The following RANBP2 variants were observed in gnomAD, a reference collection of about 807,000 sequenced individuals.
RANBP2 encodes RAN binding protein 2, also known as E3 SUMO-protein ligase RanBP2.
RANBP2 carries 57 observed loss-of-function variants against 303.6 expected under a neutral mutation model. The ratio of observed to expected loss-of-function variants is 0.19; its 90% CI spans 0.15 to 0.23. The LOEUF is 0.23. Ranked by LOEUF, RANBP2 falls within the 10% of genes least tolerant of loss-of-function variation. The probability of loss-of-function intolerance (pLI) is 1.00; values close to 1 mark genes in which losing one functional copy is unlikely to be tolerated. For synonymous variants in RANBP2, 1,167 were observed against 1,301.5 expected (o/e 0.90, Z 2.23); for missense variants, 3,138 against 3,780.8 (o/e 0.83, Z 4.46).
At chr2:108,755,107 A>T (rs1281541561) in intron 16 of RANBP2, 23 bp downstream of exon 16, 1 of 1,611,966 alleles carries the variant, frequency 6.2e-7, no homozygotes, top group Admixed American at 1.7e-5. Flanking sequence ...GAATGGAATC[A>T]TTTCATTGTG....
At chr2:109,243,217 G>C in the RANBP2 span, among the ~76,000 whole-genome samples, 1 of 152,234 alleles carries the variant, frequency 6.6e-6, no homozygotes, top group South Asian at 2.1e-4. Flanking sequence ...GAGGTCTGCA[G>C]ATCCCCTGCC....
chr2:108,775,943 CT>C lies in RANBP2; in HGVS notation c.8497+9del. ...ACAGATTCTACAAGCCAAGGTAAATCTTGATATATGTTTATCATGTGTTACA... is the reference window on the plus strand; with the variant it reads ...ACAGATTCTACAAGCCAAGGTAAATCTGATATATGTTTATCATGTGTTACA... On this transcript the variant is annotated splice_region_variant and intron_variant, in intron 24 of 28. Coordinates refer to ENST00000283195, the MANE Select transcript of RANBP2 (RefSeq NM_006267.5). 6.2e-7 allele frequency: 1 copy of C among 1,601,614 alleles called. No homozygotes were observed. Among genetic ancestry groups the C allele is most frequent in the East Asian group, 2.2e-5 (1 of 44,710 alleles).
the RANBP2 span, among the ~76,000 whole-genome samples, chr2:109,349,648 G>T: frequency 6.6e-6 from 1 of 152,204 alleles, no homozygotes; most frequent in South Asian, 2.1e-4. Flanking sequence ...CAGGCTTGGC[G>T]GGCTCCAGGC....
the RANBP2 span, among the ~76,000 whole-genome samples, chr2:109,586,858 T>A: frequency 2.0e-5 from 3 of 152,180 alleles, no homozygotes; most frequent in Admixed American, 2.0e-4. Flanking sequence ...TAACAAAGCC[T>A]GTAACAAGGC....
chr2:109,433,618 C>T, the RANBP2 span, among the ~76,000 whole-genome samples: 1 of 152,338 alleles, frequency 6.6e-6, no homozygotes, highest in East Asian at 1.9e-4. Flanking sequence ...GTAGACCCTG[C>T]ATTGATTGCT....
the RANBP2 span, among the ~76,000 whole-genome samples, chr2:109,523,780 C>T: frequency 2.6e-5 from 4 of 152,300 alleles, no homozygotes; most frequent in East Asian, 7.7e-4. Flanking sequence ...AGCTGGGGAG[C>T]ATCCCTGACA....
the RANBP2 span, among the ~76,000 whole-genome samples, chr2:109,081,460 C>T: frequency 1.8e-4 from 28 of 152,250 alleles, no homozygotes; most frequent in East Asian, 3.7e-3. Context: ...CATGGGGCTC[C>T]GCGTCTGTGG....
the RANBP2 span, among the ~76,000 whole-genome samples, chr2:109,603,190 T>C: frequency 1.3e-5 from 2 of 152,144 alleles, no homozygotes; most frequent in Non-Finnish European, 2.9e-5. Flanking sequence ...TTATTGTTTT[T>C]CACTTACTCC....
the RANBP2 span, chr2:109,615,063 C>G: frequency 6.5e-7 from 1 of 1,549,346 alleles, no homozygotes; most frequent in Middle Eastern, 1.7e-4. Context: ...GGGCAGCTCC[C>G]TTGTGGGGGC....
At chr2:108,802,842 G>A in the RANBP2 span, among the ~76,000 whole-genome samples, 1 of 152,190 alleles carries the variant, frequency 6.6e-6, no homozygotes, top group Non-Finnish European at 1.5e-5. Flanking sequence ...AGCATGAAGG[G>A]TTGTTGAATT....
chr2:109,347,516 A>G, the RANBP2 span, among the ~76,000 whole-genome samples: 1 of 152,108 alleles, frequency 6.6e-6, no homozygotes, highest in African/African-American at 2.4e-5. Context: ...TTCCTGTGAC[A>G]GGCTGTTTCT....
chr2:109,606,635 C>T, the RANBP2 span, among the ~76,000 whole-genome samples: 9 of 34,368 alleles, frequency 2.6e-4, no homozygotes, highest in African/African-American at 7.1e-4. Flanking sequence ...AAAAAGTTCC[C>T]TTTTATTAAA....
At chr2:109,545,997 G>A in the RANBP2 span, 80 of 1,518,182 alleles carry the variant, frequency 5.3e-5, no homozygotes, top group African/African-American at 1.0e-3. Context: ...ATCCGACAGG[G>A]CAATGTGACA....
At chr2:109,130,113 G>A in the RANBP2 span, 3 of 1,310,608 alleles carry the variant, frequency 2.3e-6, no homozygotes, top group South Asian at 2.2e-5. Context: ...CGGCGGCAAA[G>A]GTGAGTATCT....
the RANBP2 span, among the ~76,000 whole-genome samples, chr2:109,572,852 T>C: frequency 1.3e-5 from 2 of 152,122 alleles, no homozygotes; most frequent in African/African-American, 4.8e-5. Context: ...CCTGACCTTG[T>C]GATCCGCCTG....
At chr2:109,285,381 G>A in the RANBP2 span, among the ~76,000 whole-genome samples, 1 of 152,208 alleles carries the variant, frequency 6.6e-6, no homozygotes, top group African/African-American at 2.4e-5. Context: ...CACGGCCAAC[G>A]CACAAAACTT....
In RANBP2 at chr2:108,719,783, T is replaced by G. The variant is rs1381840704; in HGVS notation, c.72+105T>G. ...ACGGGCGCTGCTCCCTGGCGCGCTC[T>G]GTTGAGGCGCCGGCCGGCTGGCGCA... On this transcript the variant is annotated intron_variant, in intron 1 of 28. Coordinates refer to ENST00000283195, the MANE Select transcript of RANBP2 (RefSeq NM_006267.5). 2.2e-5 allele frequency: 34 copies of G among 1,518,350 alleles called. No individual in the cohort carries two copies. The South Asian group carries it at 3.3e-4, about 15-fold the overall frequency. The allele number at this position is 1,518,350 out of a possible 1,614,324, so 94.1% of individuals were successfully genotyped here. A position where few individuals can be genotyped will look rare whatever the true frequency, so the allele number is the denominator to read the frequency against.
At chr2:109,022,784 C>T in the RANBP2 span, among the ~76,000 whole-genome samples, 1 of 152,114 alleles carries the variant, frequency 6.6e-6, no homozygotes, top group East Asian at 1.9e-4. Context: ...GGCGTGGTGG[C>T]TCACGCATGT....
the RANBP2 span, chr2:109,398,865 G>A: frequency 3.1e-6 from 5 of 1,613,938 alleles, no homozygotes; most frequent in East Asian, 2.2e-5. Flanking sequence ...GTGCTCCAGT[G>A]TTGATCAGCT....
Sources: gnomAD v4.1 joint callset for allele counts (sites outside exome capture counted in the v4.1 genomes callset) on GRCh38, gnomAD v4.1.1 for gene constraint, MANE v1.5 for transcripts, NCBI Gene and HGNC (gene_info 2026-07-23, HGNC 2026-07-21) for gene names.